The following CMIP variants were observed in gnomAD, a reference collection of about 807,000 sequenced individuals.
The protein encoded by CMIP is c-Maf inducing protein.
Under a neutral mutation model 97.3 loss-of-function variants are expected in CMIP, and 13 were observed. That is an observed-to-expected ratio of 0.13 (90% CI 0.09 to 0.21). The LOEUF (loss-of-function observed/expected upper bound fraction) is 0.21, where lower values mean the gene tolerates loss of function less well. CMIP is among the 10% of genes least tolerant of loss of function. The probability of loss-of-function intolerance (pLI) is 1.00; values close to 1 mark genes in which losing one functional copy is unlikely to be tolerated. For synonymous variants in CMIP, 538 were observed against 436.3 expected (o/e 1.23, Z -2.91); for missense variants, 847 against 1,024.9 (o/e 0.83, Z 2.37).
At chr16:81,704,702 A>C (rs1477254600) in intron 18 of CMIP, among the ~76,000 whole-genome samples, 3 of 40,712 alleles carry the variant, frequency 7.4e-5, no homozygotes, top group Non-Finnish European at 1.4e-4. Flanking sequence ...TGCCCCCGTC[A>C]CCCTCCTCCC....
intron 3 of CMIP, among the ~76,000 whole-genome samples, chr16:81,624,881 G>C (rs1265123392): frequency 1.3e-5 from 2 of 152,198 alleles, no homozygotes; most frequent in African/African-American, 2.4e-5. Context: ...TAACAGTGTT[G>C]TTTTTGTGGC....
intron 1 of CMIP, chr16:81,476,281 C>G: frequency 6.4e-7 from 1 of 1,554,480 alleles, no homozygotes; most frequent in Non-Finnish European, 8.9e-7. Flanking sequence ...AAATTTCTCC[C>G]CATAGATGGA....
chr16:81,688,828 G>A (rs1214471866), intron 10 of CMIP, among the ~76,000 whole-genome samples: 1 of 151,998 alleles, frequency 6.6e-6, no homozygotes, highest in Non-Finnish European at 1.5e-5. Flanking sequence ...CCCACAACAG[G>A]CCCCGGTGTG....
intron 1 of CMIP, among the ~76,000 whole-genome samples, chr16:81,465,920 C>T (rs1042633029): frequency 1.3e-5 from 2 of 152,224 alleles, no homozygotes; most frequent in African/African-American, 2.4e-5. Context: ...AGAACACCTT[C>T]GTTCCAGTCG....
At chr16:81,648,773 A>T in intron 3 of CMIP, among the ~76,000 whole-genome samples, 1 of 121,556 alleles carries the variant, frequency 8.2e-6, no homozygotes, top group Admixed American at 1.0e-4. Context: ...ACAGAGCAAG[A>T]CTCTGTCTCA....
intron 1 of CMIP, among the ~76,000 whole-genome samples, chr16:81,584,776 G>A (rs536858732): frequency 6.6e-5 from 10 of 152,314 alleles, no homozygotes; most frequent in Admixed American, 2.0e-4. Flanking sequence ...GGAATCCCCT[G>A]AGACCCTAGT....
rs749496229 is a variant in CMIP at position 81,703,960 on chromosome 16, C to T, written c.1966C>T (p.Leu656=). 3.1e-6 allele frequency: 5 copies of T among 1,595,998 alleles called. No individual in the cohort carries two copies. In the African/African-American group the frequency reaches 6.7e-5, roughly 21 times the overall value. ...KSTDADLARL[L]SSGSFGNLEN... ...GCAGGACGCTGACTTGGCTCGTTTG[C>T]TGAGCTCCGGCTCCTTCGGAAACCT... is the stretch of plus-strand genomic sequence containing the variant. The change falls in exon 18 of 21, where the codon CTG becomes TTG. Residue 656 remains leucine, a synonymous_variant. Coordinates refer to ENST00000537098, the MANE Select transcript of CMIP (RefSeq NM_198390.3).
At chr16:81,628,135 G>A (rs2092100333) in intron 3 of CMIP, among the ~76,000 whole-genome samples, 2 of 152,156 alleles carry the variant, frequency 1.3e-5, no homozygotes, top group African/African-American at 2.4e-5. Flanking sequence ...GGGAAATCCT[G>A]AGGCTCTGGA....
chr16:81,516,139 C>A (rs890025666), intron 1 of CMIP, among the ~76,000 whole-genome samples: 1 of 152,168 alleles, frequency 6.6e-6, no homozygotes, highest in Non-Finnish European at 1.5e-5. Flanking sequence ...GTTGGAGTCT[C>A]TCAGTTCCAG....
intron 1 of CMIP, among the ~76,000 whole-genome samples, chr16:81,553,296 C>T (rs35610022): frequency 0.39 from 58,989 of 152,046 alleles, 14,114 homozygotes; most frequent in Non-Finnish European, 0.52. Context: ...CAGGCCATGC[C>T]CCCAGGAGGC....
Position 81,471,555 on chromosome 16 carries a change from G to A in CMIP, c.300+26014G>A, listed in dbSNP as rs565690980. 7.3e-3 allele frequency among the ~76,000 whole-genome samples: 1,104 copies of A among 151,218 alleles called. 4 individuals are homozygous for A. Among genetic ancestry groups the A allele is most frequent in the Non-Finnish European group, 9.6e-3 (653 of 67,838 alleles). On this transcript the variant is annotated intron_variant, in intron 1 of 20. Transcript: ENST00000537098. ...TACCAGTGTACACATACACACATGT[G>A]CACACACACATGCATACACAAATAC... is the stretch of plus-strand genomic sequence containing the variant.
At chr16:81,592,408 C>T (rs184132119) in intron 1 of CMIP, among the ~76,000 whole-genome samples, 2 of 152,314 alleles carry the variant, frequency 1.3e-5, no homozygotes, top group African/African-American at 4.8e-5. Flanking sequence ...TGGCGCTCCC[C>T]TCCTTACCTT....
intron 1 of CMIP, among the ~76,000 whole-genome samples, chr16:81,462,499 A>C (rs1262551771): frequency 6.9e-6 from 1 of 145,690 alleles, no homozygotes; most frequent in Non-Finnish European, 1.5e-5. Context: ...TAAACATGTA[A>C]GTGATAAAAA....
chr16:81,659,051 T>C (rs2092516238), intron 5 of CMIP, among the ~76,000 whole-genome samples: 6 of 152,226 alleles, frequency 3.9e-5, no homozygotes, highest in African/African-American at 1.4e-4. Context: ...TTGCTAACGC[T>C]AACAGTATAG....
At chr16:81,569,476 G>A (rs927449743) in intron 1 of CMIP, among the ~76,000 whole-genome samples, 1 of 152,196 alleles carries the variant, frequency 6.6e-6, no homozygotes, top group African/African-American at 2.4e-5. Flanking sequence ...CTGGGCCTCA[G>A]GGGATCCTGG....
intron 2 of CMIP, chr16:81,619,784 C>G (rs1369647640): frequency 1.3e-5 from 2 of 152,200 alleles, no homozygotes; most frequent in East Asian, 1.9e-4. Context: ...TCTCAGTTTC[C>G]TCATTTGTAC....
chr16:81,688,361 C>A (rs1159478558), intron 10 of CMIP, among the ~76,000 whole-genome samples: 1 of 152,204 alleles, frequency 6.6e-6, no homozygotes, highest in African/African-American at 2.4e-5. Context: ...CCCAGGCAGG[C>A]GTTGGCTTTT....
intron 1 of CMIP, among the ~76,000 whole-genome samples, chr16:81,513,203 C>A (rs1344611655): frequency 6.6e-6 from 1 of 152,330 alleles, no homozygotes; most frequent in South Asian, 2.1e-4. Flanking sequence ...CCCCCTAGAT[C>A]GAGTTTTCGT....
chr16:81,478,078 G>A (rs1908036735), intron 1 of CMIP, among the ~76,000 whole-genome samples: 1 of 152,216 alleles, frequency 6.6e-6, no homozygotes, highest in Non-Finnish European at 1.5e-5. Context: ...TAGGGTGTTG[G>A]CATGGGCCAC....
Sources: gnomAD v4.1 joint callset for allele counts (sites outside exome capture counted in the v4.1 genomes callset) on GRCh38, gnomAD v4.1.1 for gene constraint, MANE v1.5 for transcripts, NCBI Gene and HGNC (gene_info 2026-07-23, HGNC 2026-07-21) for gene names.